FGF14: variants seen among roughly 807,000 people sequenced by gnomAD.
The protein encoded by FGF14 is fibroblast growth factor homologous factor 4.
Under a neutral mutation model 25.5 loss-of-function variants are expected in FGF14, and 5 were observed. The observed-to-expected ratio is 0.20, with a 90% CI of 0.10 to 0.41. The LOEUF (loss-of-function observed/expected upper bound fraction) is 0.41. FGF14 is among the 10% of genes least tolerant of loss of function. The pLI, the probability that FGF14 is intolerant of heterozygous loss-of-function variation, is 1.00. For missense variants in FGF14, 222 were observed against 320.1 expected (o/e 0.69, Z 2.34); for synonymous variants, 138 against 118.3 (o/e 1.17, Z -1.08).
chr13:101,916,792 G>C lies in FGF14; in HGVS notation c.-147C>G, dbSNP rs2252594. The C allele has an allele frequency of 0.35, 236,693 of 682,346 alleles. 44,705 individuals are homozygous for C. Among genetic ancestry groups the C allele is most frequent in the African/African-American group, 0.56 (29,747 of 52,816 alleles). The allele number at this position is 682,346 out of a possible 1,614,324, so 42.3% of individuals were successfully genotyped here. On this transcript the variant is annotated 5_prime_UTR_variant, in exon 1 of 5. Coordinates refer to ENST00000376143, the MANE Select transcript of FGF14 (RefSeq NM_004115.4). ...GCGGGACTGGGGAGAGGGGAAGGGG[G>C]GCTCAGTCCTGACCGGGACCCATCG...
upstream of FGF14, among the ~76,000 whole-genome samples, chr13:101,917,663 C>T (rs902726702): frequency 2.0e-5 from 3 of 152,038 alleles, no homozygotes; most frequent in African/African-American, 7.2e-5. Context: ...GAGGGAGGAG[C>T]CTCCACTCCT....
intron 1 of FGF14, among the ~76,000 whole-genome samples, chr13:102,229,110 A>T (rs997556444): frequency 2.0e-5 from 3 of 152,094 alleles, no homozygotes; most frequent in African/African-American, 7.2e-5. Context: ...CCTTGCCCTA[A>T]CACGTAGAAG....
intron 3 of FGF14, among the ~76,000 whole-genome samples, chr13:101,863,061 T>C (rs2044506274): frequency 1.3e-5 from 2 of 152,120 alleles, no homozygotes; most frequent in South Asian, 2.1e-4. Flanking sequence ...TCTATGTGTA[T>C]ATATATCCCC....
At chr13:101,743,595 C>T (rs2036694755) in intron 3 of FGF14, among the ~76,000 whole-genome samples, 1 of 152,108 alleles carries the variant, frequency 6.6e-6, no homozygotes. Flanking sequence ...ACTTGAAAAT[C>T]ATTTAGAAAT....
At chr13:102,174,201 C>T (rs2048352586) in intron 1 of FGF14, among the ~76,000 whole-genome samples, 1 of 149,402 alleles carries the variant, frequency 6.7e-6, no homozygotes. Context: ...GTGGCGCGAT[C>T]TCGGCTCACT....
At chr13:102,309,347 G>T (rs1594808871) in intron 1 of FGF14, among the ~76,000 whole-genome samples, 1 of 152,288 alleles carries the variant, frequency 6.6e-6, no homozygotes. Flanking sequence ...CTTCTCCAAA[G>T]CCCCATGCTT....
At chr13:102,245,757 C>T (rs530694688) in intron 1 of FGF14, among the ~76,000 whole-genome samples, 1 of 151,946 alleles carries the variant, frequency 6.6e-6, no homozygotes, top group Non-Finnish European at 1.5e-5. Flanking sequence ...GCTTCTATTA[C>T]CCTCAAAAAA....
chr13:102,146,421 T>C (rs1486752724), intron 1 of FGF14, among the ~76,000 whole-genome samples: 1 of 152,216 alleles, frequency 6.6e-6, no homozygotes, highest in Non-Finnish European at 1.5e-5. Flanking sequence ...GGCCCCTTTT[T>C]ATGTTTGACA....
intron 1 of FGF14, among the ~76,000 whole-genome samples, chr13:102,064,402 T>C (rs199594268): frequency 1.3e-5 from 2 of 152,290 alleles, no homozygotes; most frequent in South Asian, 2.1e-4. Flanking sequence ...ATGACCAACG[T>C]AATTGAAAAC....
intron 1 of FGF14, among the ~76,000 whole-genome samples, chr13:102,261,694 C>T (rs891111461): frequency 6.6e-6 from 1 of 152,160 alleles, no homozygotes; most frequent in Non-Finnish European, 1.5e-5. Context: ...TATGTAAGCA[C>T]ATTCCTAGAA....
intron 3 of FGF14, among the ~76,000 whole-genome samples, chr13:101,838,745 T>G (rs879937784): frequency 6.6e-6 from 1 of 151,924 alleles, no homozygotes; most frequent in Non-Finnish European, 1.5e-5. Flanking sequence ...AAAACAAAGG[T>G]TCTTCAAGAG....
intron 1 of FGF14, among the ~76,000 whole-genome samples, chr13:102,358,806 C>A (rs896642029): frequency 1.3e-4 from 19 of 151,976 alleles, no homozygotes; most frequent in African/African-American, 4.1e-4. Flanking sequence ...GAGTTAAACC[C>A]TAGAAAAATC....
intron 3 of FGF14, chr13:101,802,629 A>G (rs903716494): frequency 6.5e-6 from 1 of 152,746 alleles, no homozygotes; most frequent in African/African-American, 2.4e-5. Context: ...TCAAGTGGCC[A>G]TGGGTGTCTG....
chr13:101,855,149 T>C (rs997332254), intron 3 of FGF14, among the ~76,000 whole-genome samples: 1 of 152,038 alleles, frequency 6.6e-6, no homozygotes, highest in African/African-American at 2.4e-5. Flanking sequence ...GTTATAGACT[T>C]ATCCTTAACA....
intron 1 of FGF14, among the ~76,000 whole-genome samples, chr13:102,095,219 A>T (rs1010707780): frequency 6.6e-6 from 1 of 152,158 alleles, no homozygotes; most frequent in African/African-American, 2.4e-5. Flanking sequence ...GGGGAAAAAA[A>T]GTCAGGATGA....
intron 1 of FGF14, among the ~76,000 whole-genome samples, chr13:102,208,697 G>C (rs1176153923): frequency 6.6e-6 from 1 of 152,070 alleles, no homozygotes; most frequent in Non-Finnish European, 1.5e-5. Context: ...TGAGTATATT[G>C]CAGTTGAGTT....
At chr13:101,762,802 C>T (rs1477939553) in intron 3 of FGF14, among the ~76,000 whole-genome samples, 1 of 152,170 alleles carries the variant, frequency 6.6e-6, no homozygotes, top group East Asian at 1.9e-4. Context: ...GCAATTGTCA[C>T]ATTTCATTTT....
intron 1 of FGF14, among the ~76,000 whole-genome samples, chr13:102,356,331 C>A (rs748635671): frequency 2.0e-5 from 3 of 152,176 alleles, no homozygotes; most frequent in Non-Finnish European, 4.4e-5. Context: ...CTGAAGAGTT[C>A]TTCGCAAGAG....
At chr13:102,373,887 CT>C (rs57633879) in intron 1 of FGF14, among the ~76,000 whole-genome samples, 3,358 of 152,188 alleles carry the variant, frequency 0.022, 126 homozygotes, top group African/African-American at 0.077. Context: ...AATATCAATG[CT>C]TAGGTCTCAC....
Sources: allele counts gnomAD v4.1 joint callset (sites outside exome capture counted in the v4.1 genomes callset), GRCh38; gene constraint gnomAD v4.1.1; transcripts MANE v1.5; gene names NCBI Gene and HGNC (gene_info 2026-07-23, HGNC 2026-07-21).